Variants in DMD observed in about 807,000 individuals in gnomAD.
DMD encodes the protein mutant dystrophin.
A neutral mutation model predicts 330.1 loss-of-function variants in DMD; 63 were observed. That is an observed-to-expected ratio of 0.19 (90% CI 0.16 to 0.24). The LOEUF (loss-of-function observed/expected upper bound fraction) is 0.24, where lower values mean the gene tolerates loss of function less well. Among genes scored for constraint, DMD ranks in the 10% least tolerant of loss-of-function variants. The pLI is 1.00. For synonymous variants in DMD, 1,223 were observed against 959.8 expected (o/e 1.27, Z -5.07); for missense variants, 3,344 against 2,684.1 (o/e 1.25, Z -5.43).
intron 44 of DMD, among the ~76,000 whole-genome samples, chrX:32,146,402 T>C (rs1337677872): frequency 1.8e-5 from 2 of 110,491 alleles, no homozygotes; most frequent in African/African-American, 6.6e-5. Flanking sequence ...AGTGGATGGA[T>C]GGGTAGATGA....
intron 29 of DMD, among the ~76,000 whole-genome samples, chrX:32,418,424 T>C (rs2098174746): frequency 9.0e-6 from 1 of 111,652 alleles, no homozygotes; most frequent in Admixed American, 9.6e-5. Flanking sequence ...TATCACATGA[T>C]TGAAAAGCTA....
intron 44 of DMD, among the ~76,000 whole-genome samples, chrX:32,083,690 C>T (rs1169097291): frequency 8.9e-6 from 1 of 112,720 alleles, no homozygotes; most frequent in Non-Finnish European, 1.9e-5. Context: ...CAATTCAATA[C>T]ACTACTGGAT....
intron 9 of DMD, among the ~76,000 whole-genome samples, chrX:32,654,039 G>C (rs769740913): frequency 8.9e-6 from 1 of 112,120 alleles, no homozygotes; most frequent in Admixed American, 9.5e-5. Context: ...ATCAGCTTAA[G>C]TAGATTTTGG....
At chrX:32,685,931 C>A (rs1325948643) in intron 9 of DMD, among the ~76,000 whole-genome samples, 1 of 111,650 alleles carries the variant, frequency 9.0e-6, no homozygotes. Context: ...TAAAGTCACT[C>A]TAATTATTAC....
chrX:31,828,960 T>C lies in DMD; in HGVS notation c.7200+7758A>G, dbSNP rs191874593. Among the ~76,000 whole-genome samples the C allele has an allele frequency of 3.6e-4, 40 of 111,742 alleles. No homozygotes were observed. The East Asian group carries it at 6.7e-3, about 19-fold the overall frequency. On this transcript the variant is annotated intron_variant, in intron 49 of 78. Coordinates refer to ENST00000357033, the MANE Select transcript of DMD (RefSeq NM_004006.3). ...ACAAAAATAGCAGCACAATTTGCAATTGCAAGATATGGAACCAACCCAAGT... is the reference window on the plus strand; with the variant it reads ...ACAAAAATAGCAGCACAATTTGCAACTGCAAGATATGGAACCAACCCAAGT...
intron 6 of DMD, among the ~76,000 whole-genome samples, chrX:32,810,645 C>A (rs1387332130): frequency 8.9e-6 from 1 of 111,934 alleles, no homozygotes; most frequent in Non-Finnish European, 1.9e-5. Flanking sequence ...TCACTCTAGT[C>A]CAAAATCCAT....
intron 60 of DMD, among the ~76,000 whole-genome samples, chrX:31,371,587 G>A (rs1302218312): frequency 9.0e-6 from 1 of 111,204 alleles, no homozygotes; most frequent in Non-Finnish European, 1.9e-5. Context: ...TAGTTCAAAG[G>A]TTCCCTGGAG....
At chrX:31,951,146 T>TATATAC (rs57853643) in intron 45 of DMD, among the ~76,000 whole-genome samples, 6 of 66,693 alleles carry the variant, frequency 9.0e-5, no homozygotes, top group African/African-American at 4.4e-4. Context: ...TATATGTGTA[T>TATATAC]ATATATATAT....
chrX:32,337,504 T>G (rs752024674), intron 41 of DMD, among the ~76,000 whole-genome samples: 1 of 109,820 alleles, frequency 9.1e-6, no homozygotes, highest in Non-Finnish European at 1.9e-5. Context: ...TTCACTGAAG[T>G]GGGCTTTTTT....
chrX:32,346,399 GT>G (rs1464715077), intron 38 of DMD, among the ~76,000 whole-genome samples: 2 of 111,052 alleles, frequency 1.8e-5, no homozygotes, highest in Non-Finnish European at 3.8e-5. Context: ...TTTTAGTGTA[GT>G]TCTAGAAATT....
intron 44 of DMD, among the ~76,000 whole-genome samples, chrX:31,985,502 A>G (rs994982804): frequency 8.9e-6 from 1 of 112,760 alleles, no homozygotes; most frequent in Non-Finnish European, 1.9e-5. Context: ...GAGGTCTTTC[A>G]CGCTTAAACA....
chrX:33,062,327 T>A (rs1391091505), intron 1 of DMD, among the ~76,000 whole-genome samples: 1 of 112,090 alleles, frequency 8.9e-6, no homozygotes, highest in Non-Finnish European at 1.9e-5. Context: ...ATAATCTGAA[T>A]TCTTGATCCA....
At chrX:32,855,484 C>A (rs992174865) in intron 2 of DMD, among the ~76,000 whole-genome samples, 1 of 111,836 alleles carries the variant, frequency 8.9e-6, no homozygotes, top group African/African-American at 3.3e-5. Context: ...ACCAATGGAA[C>A]AGAATAGAGC....
chrX:31,125,870 A>G (rs746183503), intron 78 of DMD, among the ~76,000 whole-genome samples: 1 of 111,988 alleles, frequency 8.9e-6, no homozygotes, highest in Non-Finnish European at 1.9e-5. Context: ...GGCTTCAAAT[A>G]CCAAATAAAA....
chrX:33,094,853 T>C (rs923478566), intron 1 of DMD, among the ~76,000 whole-genome samples: 35 of 109,002 alleles, frequency 3.2e-4, no homozygotes, highest in African/African-American at 1.1e-3. Flanking sequence ...AAATTTCATG[T>C]AGTTGGGATC....
At chrX:32,288,457 A>G (rs2148462436) in intron 42 of DMD, among the ~76,000 whole-genome samples, 1 of 111,710 alleles carries the variant, frequency 9.0e-6, no homozygotes, top group South Asian at 3.7e-4. Context: ...CTTTCTTGCT[A>G]CAGATCTGAT....
At chrX:33,306,139 G>A (rs1403366395) in intron 1 of DMD, among the ~76,000 whole-genome samples, 1 of 111,768 alleles carries the variant, frequency 8.9e-6, no homozygotes, top group Non-Finnish European at 1.9e-5. Context: ...GCTACAAAAA[G>A]GCCATAGAGA....
intron 2 of DMD, among the ~76,000 whole-genome samples, chrX:32,909,392 A>C (rs749629327): frequency 8.0e-4 from 90 of 111,894 alleles, no homozygotes; most frequent in African/African-American, 2.9e-3. Flanking sequence ...TCTATGGATG[A>C]GTTCACAATC....
intron 43 of DMD, among the ~76,000 whole-genome samples, chrX:32,230,110 T>C (rs1481037448): frequency 1.8e-5 from 2 of 111,579 alleles, no homozygotes; most frequent in Non-Finnish European, 3.8e-5. Flanking sequence ...CTATAACAGG[T>C]GCCAAAAAAT....
Sources: gnomAD v4.1 joint callset for allele counts (sites outside exome capture counted in the v4.1 genomes callset) on GRCh38, gnomAD v4.1.1 for gene constraint, MANE v1.5 for transcripts, NCBI Gene and HGNC (gene_info 2026-07-23, HGNC 2026-07-21) for gene names.